The following POLR1A variants were observed in gnomAD, a reference collection of about 807,000 sequenced individuals.
POLR1A encodes the protein RNA polymerase I subunit A.
Under a neutral mutation model 205.3 loss-of-function variants are expected in POLR1A, and 84 were observed. That is an observed-to-expected ratio of 0.41 (90% CI 0.34 to 0.49). The LOEUF is 0.49. Among genes scored for constraint, POLR1A ranks in the 20% least tolerant of loss-of-function variants. The probability of loss-of-function intolerance (pLI) is 0.22; values close to 1 mark genes in which losing one functional copy is unlikely to be tolerated. For synonymous variants in POLR1A, 799 were observed against 863.7 expected (o/e 0.93, Z 1.31); for missense variants, 1,645 against 2,204.5 (o/e 0.75, Z 5.08).
intron 3 of POLR1A, among the ~76,000 whole-genome samples, chr2:86,090,672 C>A (rs1673586101): frequency 6.6e-6 from 1 of 152,182 alleles, no homozygotes; most frequent in African/African-American, 2.4e-5. Context: ...CTCATGTGCC[C>A]CAGGGAATAT....
chr2:86,043,885 C>T (rs531061201), intron 22 of POLR1A, among the ~76,000 whole-genome samples: 13 of 152,280 alleles, frequency 8.5e-5, no homozygotes, highest in African/African-American at 1.2e-4. Flanking sequence ...GCCCAGCACA[C>T]GGCAAATGGC....
At position 86,033,963 on chromosome 2, in the gene POLR1A, G is replaced by A. The variant is rs542417762; in HGVS notation, c.4035-176C>T. On this transcript the variant is annotated intron_variant, in intron 27 of 33. Transcript: ENST00000263857. ...CCGCTGTTTTGGAACCGTCTCTGGCGTATCAGGAACACCGGTTCCACAGTC... is the reference window on the plus strand; with the variant it reads ...CCGCTGTTTTGGAACCGTCTCTGGCATATCAGGAACACCGGTTCCACAGTC... Among the ~76,000 whole-genome samples, 11 of 152,262 alleles carry A rather than the reference G, an allele frequency of 7.2e-5. No individual in the cohort carries two copies. The South Asian group carries it at 8.3e-4, about 11-fold the overall frequency.
intron 21 of POLR1A, among the ~76,000 whole-genome samples, chr2:86,045,068 G>A (rs7572386): frequency 0.38 from 57,230 of 152,134 alleles, 13,522 homozygotes; most frequent in Non-Finnish European, 0.54. Flanking sequence ...TCAGAACACA[G>A]AGCCCTTGGT....
intron 24 of POLR1A, 32 bp from the exon 25 acceptor site, chr2:86,040,591 G>A (rs757858935): frequency 5.4e-6 from 8 of 1,489,762 alleles, no homozygotes; most frequent in Non-Finnish European, 6.3e-6. Context: ...CAGGGTGGGG[G>A]TTGTGGCAGG....
chr2:86,042,927 T>G, intron 23 of POLR1A, 47 bp downstream of exon 23: 1 of 1,403,420 alleles, frequency 7.1e-7, no homozygotes. Flanking sequence ...ACCCACTGAC[T>G]AAGCCTGGAC....
At chr2:86,081,243 A>G (rs1457215683) in intron 8 of POLR1A, among the ~76,000 whole-genome samples, 1 of 152,142 alleles carries the variant, frequency 6.6e-6, no homozygotes, top group East Asian at 1.9e-4. Flanking sequence ...GTAAAATACA[A>G]AAATTATTTG....
chr2:86,036,245 C>T (rs1422879457), intron 27 of POLR1A, among the ~76,000 whole-genome samples: 3 of 152,162 alleles, frequency 2.0e-5, no homozygotes, highest in South Asian at 2.1e-4. Context: ...GGCTGGGGAC[C>T]GGAGGCCAAA....
At position 86,070,001 on chromosome 2, in the gene POLR1A, C is replaced by T. The variant is rs778386359; in HGVS notation, c.1866+17G>A. 1.2e-6 allele frequency: 2 copies of T among 1,608,486 alleles called. No homozygotes were observed. Among genetic ancestry groups the T allele is most frequent in the Admixed American group, 1.7e-5 (1 of 59,922 alleles). ...ATGCTGACGATGACCACGGAACAGCCTCAAGGCCAGACCTACCTTGGGAAC... is the reference window on the plus strand; with the variant it reads ...ATGCTGACGATGACCACGGAACAGCTTCAAGGCCAGACCTACCTTGGGAAC... On this transcript the variant is annotated intron_variant, in intron 13 of 33. Transcript: ENST00000263857. This position sits in a 1 kb window ranked among gnomAD's most constrained non-coding sequence, Gnocchi z 4.4.
intron 14 of POLR1A, 34 bp from the exon 15 acceptor site, chr2:86,054,323 A>G (rs770151359): frequency 5.6e-6 from 9 of 1,607,634 alleles, no homozygotes; most frequent in Non-Finnish European, 7.7e-6. Flanking sequence ...TGATGGCAAA[A>G]AGAAAAGTGA....
intron 33 of POLR1A, among the ~76,000 whole-genome samples, 171 bp downstream of exon 33, chr2:86,027,714 G>A (rs534358637): frequency 2.6e-5 from 4 of 152,142 alleles, no homozygotes; most frequent in Admixed American, 6.5e-5. Context: ...CCTTCAAAGC[G>A]TAGAGGCAGC....
chr2:86,058,626 G>A (rs1175648294), intron 14 of POLR1A, among the ~76,000 whole-genome samples: 1 of 150,970 alleles, frequency 6.6e-6, no homozygotes, highest in Non-Finnish European at 1.5e-5. Flanking sequence ...TTACTTTCTG[G>A]TCATAAACTA....
At chr2:86,037,348 C>T (rs1239073521) in intron 27 of POLR1A, among the ~76,000 whole-genome samples, 3 of 152,250 alleles carry the variant, frequency 2.0e-5, no homozygotes, top group South Asian at 2.1e-4. Flanking sequence ...CAGTGACCCC[C>T]GTCCAAAGGA....
At position 86,080,994 on chromosome 2, in the gene POLR1A, C is replaced by T. The variant is rs763362405; in HGVS notation, c.924-16G>A. 2.2e-5 allele frequency: 36 copies of T among 1,600,706 alleles called. No homozygotes were observed. Among genetic ancestry groups the T allele is most frequent in the African/African-American group, 4.0e-5 (3 of 74,646 alleles). ...TGGGCGATACCTGCAGGGGGACATACGGAATAAATGAATGTTTAGTGTGAG... is the reference window on the plus strand; with the variant it reads ...TGGGCGATACCTGCAGGGGGACATATGGAATAAATGAATGTTTAGTGTGAG... On this transcript the variant is annotated splice_polypyrimidine_tract_variant and intron_variant, in intron 8 of 33. Coordinates refer to ENST00000263857, the MANE Select transcript of POLR1A (RefSeq NM_015425.6).
intron 6 of POLR1A, among the ~76,000 whole-genome samples, chr2:86,085,317 A>G (rs1314935300): frequency 6.6e-6 from 1 of 152,200 alleles, no homozygotes; most frequent in African/African-American, 2.4e-5. Context: ...TCCTTAGGAT[A>G]AAGTCATCAA....
chr2:86,046,153 G>T (rs1163843965), intron 19 of POLR1A, among the ~76,000 whole-genome samples: 1 of 152,186 alleles, frequency 6.6e-6, no homozygotes, highest in African/African-American at 2.4e-5. Flanking sequence ...CTCAGGGCCG[G>T]GTGTGGTGGC....
In POLR1A at chr2:86,033,852, G is replaced by A. The variant is rs755738186; in HGVS notation, c.4035-65C>T. 2.4e-4 allele frequency: 388 copies of A among 1,584,954 alleles called. 1 individual carries two copies. The Middle Eastern group carries it at 9.1e-3, about 37-fold the overall frequency. The stretch of plus-strand genomic sequence containing the variant: ...AGCATGTCCAGCCCTACCCTCATTT[G>A]GGGGATAGGACGCTGAGGGATTCCC... On this transcript the variant is annotated intron_variant, in intron 27 of 33. Transcript: ENST00000263857.
At chr2:86,080,662 G>A (rs1673383531) in intron 9 of POLR1A, among the ~76,000 whole-genome samples, 154 bp downstream of exon 9, 1 of 152,144 alleles carries the variant, frequency 6.6e-6, no homozygotes, top group African/African-American at 2.4e-5. Flanking sequence ...AATGTTCCTA[G>A]GTGCCCCCTA....
chr2:86,097,800 A>G (rs1207497699), intron 3 of POLR1A, among the ~76,000 whole-genome samples: 1 of 152,222 alleles, frequency 6.6e-6, no homozygotes, highest in African/African-American at 2.4e-5. Context: ...ACAATTAGAC[A>G]GGAGGAATAA....
chr2:86,051,637 C>A (rs1412679524), intron 16 of POLR1A, among the ~76,000 whole-genome samples: 1 of 152,236 alleles, frequency 6.6e-6, no homozygotes, highest in Non-Finnish European at 1.5e-5. Flanking sequence ...ACGCGAACAG[C>A]GTGGAAGGGC....
Sources: allele counts gnomAD v4.1 joint callset (sites outside exome capture counted in the v4.1 genomes callset), GRCh38; gene constraint gnomAD v4.1.1; non-coding constraint Gnocchi (gnomAD v3.1); transcripts MANE v1.5; gene names NCBI Gene and HGNC (gene_info 2026-07-23, HGNC 2026-07-21).